Variants in DCC observed in about 807,000 individuals in gnomAD.
The protein encoded by DCC is netrin receptor DCC.
DCC carries 58 observed loss-of-function variants against 172.5 expected under a neutral mutation model. That is an observed-to-expected ratio of 0.34 (90% CI 0.27 to 0.42). The LOEUF (loss-of-function observed/expected upper bound fraction) is 0.42, where lower values mean the gene tolerates loss of function less well. DCC is among the 10% of genes least tolerant of loss of function. The pLI is 1.00. For missense variants in DCC, 1,740 were observed against 1,791.0 expected (o/e 0.97, Z 0.51); for synonymous variants, 709 against 644.5 (o/e 1.10, Z -1.52).
intron 25 of DCC, among the ~76,000 whole-genome samples, chr18:53,473,009 A>G (rs2145193715): frequency 6.6e-6 from 1 of 152,120 alleles, no homozygotes. Flanking sequence ...CCCTTTACAT[A>G]TTTCTTTCCT....
rs531983368 is a variant in DCC at position 53,437,346 on chromosome 18, C to T, written c.3229+2137C>T. On this transcript the variant is annotated intron_variant, in intron 22 of 28. Coordinates refer to ENST00000442544, the MANE Select transcript of DCC (RefSeq NM_005215.4). ...CTGTAATCCCAGCACTTTGGGAGGC[C>T]GAGGCGGGCAGATCACGAGGTCAGG... Among the ~76,000 whole-genome samples the T allele has an allele frequency of 3.9e-5, 6 of 151,978 alleles. No individual in the cohort carries two copies. In the East Asian group the frequency reaches 5.8e-4, roughly 15 times the overall value.
intron 2 of DCC, among the ~76,000 whole-genome samples, chr18:52,870,281 G>T (rs1228338320): frequency 6.6e-6 from 1 of 152,170 alleles, no homozygotes; most frequent in Non-Finnish European, 1.5e-5. Flanking sequence ...GGTGGGGGCT[G>T]TGCAGTCAGC....
At chr18:53,072,984 A>G (rs1252999258) in intron 7 of DCC, among the ~76,000 whole-genome samples, 7 of 152,202 alleles carry the variant, frequency 4.6e-5, no homozygotes, top group Non-Finnish European at 1.0e-4. Flanking sequence ...AGAATAATGT[A>G]AGCAAGACAC....
intron 2 of DCC, among the ~76,000 whole-genome samples, chr18:52,771,485 T>C (rs777380319): frequency 7.9e-5 from 12 of 152,202 alleles, no homozygotes; most frequent in Admixed American, 7.8e-4. Flanking sequence ...CTATACTCTA[T>C]GGAGGGACAG....
chr18:52,644,855 A>C (rs2034988639), intron 1 of DCC, among the ~76,000 whole-genome samples: 1 of 150,976 alleles, frequency 6.6e-6, no homozygotes, highest in African/African-American at 2.5e-5. Flanking sequence ...GAGGGAAGGA[A>C]GGAGAAAAAA....
chr18:52,596,706 G>T (rs2033916808), intron 1 of DCC, among the ~76,000 whole-genome samples: 1 of 152,178 alleles, frequency 6.6e-6, no homozygotes, highest in African/African-American at 2.4e-5. Flanking sequence ...ATGAGAACAA[G>T]TCCCAATCCT....
intron 12 of DCC, among the ~76,000 whole-genome samples, chr18:53,277,054 G>A (rs1242692335): frequency 6.6e-6 from 1 of 152,154 alleles, no homozygotes; most frequent in Non-Finnish European, 1.5e-5. Flanking sequence ...GAATTGAAAT[G>A]TGGCAGTGTA....
At chr18:52,780,340 T>C (rs758015607) in intron 2 of DCC, among the ~76,000 whole-genome samples, 3 of 152,132 alleles carry the variant, frequency 2.0e-5, no homozygotes, top group Non-Finnish European at 4.4e-5. Context: ...TTTATGATTG[T>C]CTTGTAAAAA....
chr18:52,722,637 A>G (rs1047349412), intron 1 of DCC, among the ~76,000 whole-genome samples: 3 of 152,170 alleles, frequency 2.0e-5, no homozygotes, highest in Admixed American at 6.5e-5. Flanking sequence ...GCAATAATAA[A>G]TGTCCTCCCA....
chr18:52,416,122 T>C lies in DCC; in HGVS notation c.91+75244T>C, dbSNP rs1325291608. ...AACATCTTTATTTCTGCCTTCATTT[T>C]GTTATGTACTCAATAGTCATTCAGG... On this transcript the variant is annotated intron_variant, in intron 1 of 28. Transcript: ENST00000442544. 2.7e-4 allele frequency among the ~76,000 whole-genome samples: 41 copies of C among 152,330 alleles called. No individual in the cohort carries two copies. In the East Asian group the frequency reaches 5.6e-3, roughly 21 times the overall value.
Position 53,129,721 on chromosome 18 carries a change from C to T in DCC, c.1262-27635C>T, listed in dbSNP as rs1321725809. On this transcript the variant is annotated intron_variant, in intron 7 of 28. Transcript: ENST00000442544. ...CATAGGCAAGTCCTAATGTATTTAT[C>T]TACTATCTACTATTTTGTTGATTAA... Among the ~76,000 whole-genome samples the T allele has an allele frequency of 2.6e-5, 4 of 151,990 alleles. No individual in the cohort carries two copies. In the East Asian group the frequency reaches 7.7e-4, roughly 29 times the overall value.
intron 17 of DCC, 106 bp from the exon 18 acceptor site, chr18:53,397,202 G>A: frequency 9.7e-7 from 1 of 1,028,814 alleles, no homozygotes; most frequent in East Asian, 2.5e-5. Flanking sequence ...CTGTTTGGGA[G>A]TAGATTACTT....
At chr18:52,907,333 G>C (rs561241134) in intron 3 of DCC, among the ~76,000 whole-genome samples, 94 of 68,914 alleles carry the variant, frequency 1.4e-3, no homozygotes, top group African/African-American at 3.8e-3. Context: ...TATCCATATG[G>C]ATATATACAT....
At chr18:53,200,568 A>C (rs930159236) in intron 9 of DCC, among the ~76,000 whole-genome samples, 1 of 152,216 alleles carries the variant, frequency 6.6e-6, no homozygotes, top group Non-Finnish European at 1.5e-5. Context: ...AAGAACCAGG[A>C]CACTGAGCAG....
At chr18:52,902,373 TA>T (rs1172180507) in intron 2 of DCC, among the ~76,000 whole-genome samples, 1 of 152,118 alleles carries the variant, frequency 6.6e-6, no homozygotes, top group Non-Finnish European at 1.5e-5. Context: ...AACAGAGAGA[TA>T]GGAAGACCAT....
At chr18:53,511,941 G>T (rs990785622) in intron 27 of DCC, among the ~76,000 whole-genome samples, 67 of 152,354 alleles carry the variant, frequency 4.4e-4, no homozygotes, top group African/African-American at 1.5e-3. Flanking sequence ...CAACCAGGAA[G>T]CTCGAACTGG....
intron 1 of DCC, among the ~76,000 whole-genome samples, chr18:52,408,097 A>G (rs934300584): frequency 3.9e-5 from 6 of 152,102 alleles, no homozygotes; most frequent in Non-Finnish European, 8.8e-5. Flanking sequence ...ACAGAAATAT[A>G]TTATTCATCC....
intron 11 of DCC, among the ~76,000 whole-genome samples, chr18:53,215,083 G>A (rs956165860): frequency 2.6e-5 from 4 of 152,130 alleles, no homozygotes; most frequent in Non-Finnish European, 5.9e-5. Flanking sequence ...CTTTTTAAGA[G>A]CTAATAAAGT....
intron 25 of DCC, among the ~76,000 whole-genome samples, chr18:53,480,488 C>A (rs1462773396): frequency 6.6e-6 from 1 of 152,144 alleles, no homozygotes; most frequent in African/African-American, 2.4e-5. Context: ...AATTTAAAAA[C>A]TATTATTTAT....
Sources: allele counts gnomAD v4.1 joint callset (sites outside exome capture counted in the v4.1 genomes callset), GRCh38; gene constraint gnomAD v4.1.1; transcripts MANE v1.5; gene names NCBI Gene and HGNC (gene_info 2026-07-23, HGNC 2026-07-21).